The following ENPP2 variants were observed in gnomAD, a reference collection of about 807,000 sequenced individuals.
The protein encoded by ENPP2 is autotaxin.
Under a neutral mutation model 120.2 loss-of-function variants are expected in ENPP2, and 51 were observed. That is an observed-to-expected ratio of 0.42 (90% CI 0.34 to 0.54). The LOEUF is 0.54. Among genes scored for constraint, ENPP2 ranks in the 20% least tolerant of loss-of-function variants. The probability of loss-of-function intolerance (pLI) is 0.04; values close to 1 mark genes in which losing one functional copy is unlikely to be tolerated. For missense variants in ENPP2, 920 were observed against 1,066.5 expected (o/e 0.86, Z 1.91); for synonymous variants, 365 against 366.4 (o/e 1.00, Z 0.04).
At chr8:119,633,905 T>C (rs566187104) in intron 2 of ENPP2, among the ~76,000 whole-genome samples, 45 of 151,246 alleles carry the variant, frequency 3.0e-4, no homozygotes, top group Admixed American at 2.8e-3. Context: ...TGGTCTGACC[T>C]GCCTCGGTGA....
At position 119,590,601 on chromosome 8, in the gene ENPP2, C is replaced by G. The variant is rs1813426546; in HGVS notation, c.1111G>C (p.Glu371Gln). ...GMEDVTCDRT[E>Q]FLSNYLTNVD... ...TTAGTTAGGTAATTACTCAAGAACT[C>G]AGTTCTATCACATGTGACATCTTCC... Residue 371 changes from glutamate (E) to glutamine (Q), a missense_variant, in exon 13 of 25, where the codon GAG (glutamate) becomes CAG (glutamine). Coordinates refer to ENST00000075322, the MANE Select transcript of ENPP2 (RefSeq NM_001040092.3). 2 of 1,583,722 alleles carry G rather than the reference C, an allele frequency of 1.3e-6. No individual in the cohort carries two copies. The highest frequency in any genetic ancestry group is 2.7e-5 in the African/African-American group (2 of 73,444).
At chr8:119,626,200 T>A (rs1210159146) in intron 3 of ENPP2, among the ~76,000 whole-genome samples, 5 of 151,810 alleles carry the variant, frequency 3.3e-5, no homozygotes, top group African/African-American at 1.2e-4. Context: ...TCTTAATAAA[T>A]AAATAAGTAA....
Position 119,557,640 on chromosome 8 carries a change from C to T in ENPP2, c.2473G>A (p.Ala825Thr). The T allele has an allele frequency of 1.9e-6, 3 of 1,602,104 alleles. No individual in the cohort carries two copies. The highest frequency in any genetic ancestry group is 2.5e-6 in the Non-Finnish European group (3 of 1,176,478). Residue 825 changes from alanine to threonine, a missense_variant, in exon 25 of 25, where the codon GCT becomes ACT. Physicochemically the swap from Ala to Thr is moderately conservative, Grantham distance 58. Transcript: ENST00000075322. ...AGATGTTCAATGTCACGCACCCTAG[C>T]TGTGTGCATCTTCATGAGTTCTTCT... ...WVEELMKMHT[A>T]RVRDIEHLTS...
chr8:119,568,934 T>C (rs919983420), intron 21 of ENPP2, among the ~76,000 whole-genome samples: 4 of 152,202 alleles, frequency 2.6e-5, no homozygotes, highest in African/African-American at 4.8e-5. Flanking sequence ...ATCCCCTCTA[T>C]AGTATTACAT....
At chr8:119,601,915 A>G (rs1325533436) in intron 9 of ENPP2, among the ~76,000 whole-genome samples, 4 of 152,242 alleles carry the variant, frequency 2.6e-5, no homozygotes, top group Non-Finnish European at 5.9e-5. Flanking sequence ...CTAACAGCAA[A>G]GAACACTGTA....
intron 1 of ENPP2, among the ~76,000 whole-genome samples, chr8:119,666,337 C>G (rs1169818920): frequency 6.6e-6 from 1 of 152,000 alleles, no homozygotes; most frequent in Non-Finnish European, 1.5e-5. Flanking sequence ...AACAAAGCAC[C>G]ATTCATTCCA....
At position 119,617,541 on chromosome 8, in the gene ENPP2, T is replaced by C. The variant is rs1265439529; in HGVS notation, c.502A>G (p.Ile168Val). The change falls in exon 6 of 25, where the codon ATC becomes GTC. Residue 168 changes from isoleucine to valine, a missense_variant. Coordinates refer to ENST00000075322, the MANE Select transcript of ENPP2 (RefSeq NM_001040092.3). ...GCACGGAAGCCATCCACGGAGAAGA[T>C]GATTAATGGAGGGCGAACAAACCTT... is the stretch of plus-strand genomic sequence containing the variant. ...PAGFVRPPLI[I>V]FSVDGFRASY... The C allele has an allele frequency of 2.2e-5, 36 of 1,613,320 alleles. No homozygotes were observed. The East Asian group carries it at 6.2e-4, about 28-fold the overall frequency.
At chr8:119,576,294 T>A (rs924986678) in intron 19 of ENPP2, among the ~76,000 whole-genome samples, 1 of 152,172 alleles carries the variant, frequency 6.6e-6, no homozygotes, top group South Asian at 2.1e-4. Flanking sequence ...GATGCCACGA[T>A]GCCCAGCTAA....
At chr8:119,627,131 T>G (rs1358031389) in intron 2 of ENPP2, among the ~76,000 whole-genome samples, 1 of 152,112 alleles carries the variant, frequency 6.6e-6, no homozygotes, top group Non-Finnish European at 1.5e-5. Context: ...TCTATATCCT[T>G]AGAAACAAGA....
chr8:119,602,457 C>CAA (rs57298494), intron 9 of ENPP2, among the ~76,000 whole-genome samples: 3,152 of 122,878 alleles, frequency 0.026, 121 homozygotes, highest in African/African-American at 0.082. Context: ...AACTCTGTCT[C>CAA]AAAAAAAAAA....
upstream of ENPP2, among the ~76,000 whole-genome samples, chr8:119,641,411 A>G (rs1817284007): frequency 6.6e-6 from 1 of 152,230 alleles, no homozygotes; most frequent in South Asian, 2.1e-4. Context: ...TTTTGTAAGA[A>G]AACTAAATTA....
chr8:119,628,274 A>T (rs1436025373), intron 2 of ENPP2, among the ~76,000 whole-genome samples: 1 of 152,224 alleles, frequency 6.6e-6, no homozygotes, highest in Non-Finnish European at 1.5e-5. Context: ...AAATATAAAC[A>T]GCCTCATAAC....
chr8:119,563,149 G>T, intron 23 of ENPP2, 136 bp from the exon 24 acceptor site: 1 of 687,524 alleles, frequency 1.5e-6, no homozygotes, highest in Non-Finnish European at 2.4e-6. Flanking sequence ...TCACTTCTAA[G>T]CACTAGCCCA....
intron 2 of ENPP2, among the ~76,000 whole-genome samples, chr8:119,634,909 T>G (rs992224282): frequency 3.3e-5 from 5 of 152,162 alleles, no homozygotes; most frequent in Non-Finnish European, 7.4e-5. Flanking sequence ...AACAAAGAAC[T>G]GAAAAATCTG....
At chr8:119,610,888 G>A (rs568030114) in intron 8 of ENPP2, among the ~76,000 whole-genome samples, 2 of 145,660 alleles carry the variant, frequency 1.4e-5, no homozygotes, top group Non-Finnish European at 3.0e-5. Context: ...GGATGACAGA[G>A]TGAGATTCTG....
intron 17 of ENPP2, 147 bp downstream of exon 17, chr8:119,583,570 T>G: frequency 1.7e-6 from 1 of 577,314 alleles, no homozygotes. Flanking sequence ...ATTCTGTCTT[T>G]GAACCAATGG....
chr8:119,571,889 A>C (rs941311095), intron 19 of ENPP2: 1 of 268,104 alleles, frequency 3.7e-6, no homozygotes, highest in African/African-American at 2.2e-5. Context: ...TCTTCGTAGA[A>C]TACTTTGCAA....
intron 1 of ENPP2, among the ~76,000 whole-genome samples, chr8:119,662,403 G>A (rs1231082842): frequency 6.6e-6 from 1 of 152,038 alleles, no homozygotes; most frequent in African/African-American, 2.4e-5. Flanking sequence ...GGGTCTCAAA[G>A]TGTGAACCCA....
chr8:119,633,351 C>T (rs1448701494), intron 2 of ENPP2, among the ~76,000 whole-genome samples: 1 of 152,178 alleles, frequency 6.6e-6, no homozygotes. Context: ...TATGATACTG[C>T]TCTCTATCTG....
Sources: allele counts gnomAD v4.1 joint callset (sites outside exome capture counted in the v4.1 genomes callset), GRCh38; gene constraint gnomAD v4.1.1; transcripts MANE v1.5; gene names NCBI Gene and HGNC (gene_info 2026-07-23, HGNC 2026-07-21).